The following SLIT3 variants were observed in gnomAD, a reference collection of about 807,000 sequenced individuals.
SLIT3 encodes the protein slit homolog 3 protein.
In SLIT3, 68 loss-of-function variants were observed where a neutral mutation model predicts 184.0. The observed-to-expected ratio is 0.37, with a 90% CI of 0.30 to 0.45. The LOEUF (loss-of-function observed/expected upper bound fraction) is 0.45. SLIT3 is among the 20% of genes least tolerant of loss of function. The probability of loss-of-function intolerance (pLI) is 1.00; values close to 1 mark genes in which losing one functional copy is unlikely to be tolerated. For synonymous variants in SLIT3, 831 were observed against 828.6 expected (o/e 1.00, Z -0.05); for missense variants, 1,707 against 2,026.0 (o/e 0.84, Z 3.02).
chr5:168,730,421 A>G (rs1172901807), intron 20 of SLIT3, among the ~76,000 whole-genome samples: 1 of 152,120 alleles, frequency 6.6e-6, no homozygotes, highest in Non-Finnish European at 1.5e-5. Context: ...ATGACAGAAT[A>G]TACATTGTTT....
chr5:168,843,094 A>T (rs983464042), intron 6 of SLIT3, among the ~76,000 whole-genome samples: 3 of 152,090 alleles, frequency 2.0e-5, no homozygotes, highest in African/African-American at 7.2e-5. Flanking sequence ...TATCTCAGAA[A>T]TGACAATCTG....
At chr5:169,244,837 G>C in intron 2 of SLIT3, 61 bp from the exon 3 acceptor site, 1 of 1,421,446 alleles carries the variant, frequency 7.0e-7, no homozygotes, top group African/African-American at 1.4e-5. Context: ...CCTCATACTA[G>C]GCTTCATGCC....
At chr5:168,882,003 C>G (rs1370217360) in intron 5 of SLIT3, among the ~76,000 whole-genome samples, 2 of 152,170 alleles carry the variant, frequency 1.3e-5, no homozygotes, top group African/African-American at 2.4e-5. Flanking sequence ...CCACCCACCC[C>G]CAGAGACGCC....
intron 3 of SLIT3, among the ~76,000 whole-genome samples, chr5:169,224,224 T>A (rs1327026817): frequency 6.6e-6 from 1 of 152,020 alleles, no homozygotes; most frequent in Non-Finnish European, 1.5e-5. Context: ...AAGAAATACA[T>A]ATTTGTCAGG....
intron 4 of SLIT3, among the ~76,000 whole-genome samples, chr5:169,182,725 C>T (rs1458758954): frequency 1.3e-5 from 2 of 152,174 alleles, no homozygotes; most frequent in Admixed American, 1.3e-4. Context: ...TTGGGTTCTG[C>T]TCACCTCAAA....
At chr5:169,109,912 G>T (rs1035020402) in intron 4 of SLIT3, among the ~76,000 whole-genome samples, 1 of 152,156 alleles carries the variant, frequency 6.6e-6, no homozygotes, top group East Asian at 1.9e-4. Context: ...CCGTGTGCCA[G>T]TTGCTGAGAT....
chr5:168,814,011 T>C (rs1240064096), intron 8 of SLIT3, among the ~76,000 whole-genome samples: 1 of 152,202 alleles, frequency 6.6e-6, no homozygotes, highest in Non-Finnish European at 1.5e-5. Flanking sequence ...GTAAGAGAAG[T>C]TCTTGTCTTC....
intron 10 of SLIT3, 70 bp from the exon 11 acceptor site, chr5:168,789,701 A>C: frequency 8.9e-7 from 1 of 1,125,814 alleles, no homozygotes. Flanking sequence ...CTAAGTGTGA[A>C]TCAAGCATTT....
At chr5:169,092,517 C>G (rs868722860) in intron 4 of SLIT3, among the ~76,000 whole-genome samples, 1 of 152,182 alleles carries the variant, frequency 6.6e-6, no homozygotes, top group Non-Finnish European at 1.5e-5. Flanking sequence ...CCAAAATGGT[C>G]AGGTCCTCAG....
chr5:168,748,543 C>A (rs41283175), intron 19 of SLIT3, 109 bp from the exon 20 acceptor site: 300 of 1,132,576 alleles, frequency 2.6e-4, no homozygotes, highest in Non-Finnish European at 3.5e-4. Context: ...CCCCTGTCCC[C>A]GCTGTGTTCT....
intron 18 of SLIT3, 97 bp downstream of exon 18, chr5:168,752,854 CAGAT>C: frequency 2.5e-6 from 3 of 1,218,232 alleles, no homozygotes; most frequent in Non-Finnish European, 3.5e-6. Flanking sequence ...AGTGGACAGA[CAGAT>C]AGATGAGCCT....
At chr5:169,080,042 C>A (rs12189536) in intron 4 of SLIT3, among the ~76,000 whole-genome samples, 6,078 of 151,588 alleles carry the variant, frequency 0.04, 167 homozygotes, top group Middle Eastern at 0.11. Context: ...CGGGGGTTTG[C>A]ATAGGGGAGA....
At chr5:169,174,082 T>C (rs1437789530) in intron 4 of SLIT3, among the ~76,000 whole-genome samples, 1 of 151,956 alleles carries the variant, frequency 6.6e-6, no homozygotes, top group Admixed American at 6.5e-5. Context: ...CTGCCAGGGC[T>C]CCATCACAAG....
At chr5:168,993,220 CAGCCAAGCGCAGAAT>C (rs1472051303) in intron 4 of SLIT3, among the ~76,000 whole-genome samples, 1 of 152,254 alleles carries the variant, frequency 6.6e-6, no homozygotes, top group Non-Finnish European at 1.5e-5. Flanking sequence ...CCCGAGATGT[CAGCCAAGCGCAGAAT>C]AGCCAGGTGC....
At chr5:169,093,664 A>G (rs1759670768) in intron 4 of SLIT3, among the ~76,000 whole-genome samples, 1 of 152,202 alleles carries the variant, frequency 6.6e-6, no homozygotes, top group Non-Finnish European at 1.5e-5. Context: ...AAGAAGTAAT[A>G]TATTATTGTT....
intron 4 of SLIT3, among the ~76,000 whole-genome samples, chr5:168,964,750 A>T (rs913182516): frequency 2.0e-5 from 3 of 152,220 alleles, no homozygotes; most frequent in Admixed American, 1.3e-4. Context: ...ATTGCAGTCA[A>T]TCTCAGTTGT....
intron 8 of SLIT3, among the ~76,000 whole-genome samples, chr5:168,807,895 C>T (rs1020380250): frequency 2.6e-5 from 4 of 152,176 alleles, no homozygotes; most frequent in African/African-American, 9.7e-5. Context: ...GGTGCGCTCT[C>T]CGCGTTCAAT....
intron 4 of SLIT3, among the ~76,000 whole-genome samples, chr5:169,073,112 T>C (rs1758613945): frequency 6.6e-6 from 1 of 152,320 alleles, no homozygotes; most frequent in Admixed American, 6.5e-5. Flanking sequence ...TTGTGATGCT[T>C]TTCTTTGAAG....
chr5:168,806,010 T>C (rs1756945022), intron 9 of SLIT3, among the ~76,000 whole-genome samples: 1 of 152,178 alleles, frequency 6.6e-6, no homozygotes, highest in South Asian at 2.1e-4. Context: ...GTAAACGGTA[T>C]GGCCAGGATA....
Sources: gnomAD v4.1 joint callset for allele counts (sites outside exome capture counted in the v4.1 genomes callset) on GRCh38, gnomAD v4.1.1 for gene constraint, MANE v1.5 for transcripts, NCBI Gene and HGNC (gene_info 2026-07-23, HGNC 2026-07-21) for gene names.